Variants in ADCY9 observed in about 807,000 individuals in gnomAD.
The protein encoded by ADCY9 is adenylate cyclase type 9.
ADCY9 carries 50 observed loss-of-function variants against 101.5 expected under a neutral mutation model. That is an observed-to-expected ratio of 0.49 (90% CI 0.39 to 0.62). ADCY9 has a LOEUF of 0.62. Ranked by LOEUF, ADCY9 falls within the 20% of genes least tolerant of loss-of-function variation. ADCY9 has a pLI of 0.00. For missense variants in ADCY9, 1,662 were observed against 1,800.4 expected (o/e 0.92, Z 1.39); for synonymous variants, 905 against 769.3 (o/e 1.18, Z -2.92).
At chr16:4,001,507 C>T (rs1372198093) in intron 3 of ADCY9, among the ~76,000 whole-genome samples, 1 of 152,142 alleles carries the variant, frequency 6.6e-6, no homozygotes, top group African/African-American at 2.4e-5. Context: ...AAGGTGGCAT[C>T]TGCCCGGTTT....
chr16:3,993,650 T>C, intron 3 of ADCY9, 140 bp from the exon 4 acceptor site: 1 of 1,077,146 alleles, frequency 9.3e-7, no homozygotes, highest in Non-Finnish European at 1.3e-6. Flanking sequence ...CGCTCGGGGA[T>C]GAGCTGAAAG....
At chr16:4,064,520 T>G (rs988068891) in intron 2 of ADCY9, among the ~76,000 whole-genome samples, 5 of 152,240 alleles carry the variant, frequency 3.3e-5, no homozygotes, top group Non-Finnish European at 5.9e-5. Flanking sequence ...TCACTCGGGC[T>G]GGAGTACAAT....
At chr16:3,994,594 T>C (rs1192795554) in intron 3 of ADCY9, among the ~76,000 whole-genome samples, 1 of 152,204 alleles carries the variant, frequency 6.6e-6, no homozygotes, top group Non-Finnish European at 1.5e-5. Context: ...TAGCTGCGAT[T>C]ACAGGTGCCT....
At chr16:4,016,422 CG>C (rs1452525622) in intron 2 of ADCY9, among the ~76,000 whole-genome samples, 2 of 151,842 alleles carry the variant, frequency 1.3e-5, no homozygotes, top group African/African-American at 4.8e-5. Context: ...ATGCCACAGA[CG>C]GGAGGGAGGG....
intron 5 of ADCY9, among the ~76,000 whole-genome samples, chr16:3,955,521 G>A (rs376662551): frequency 1.3e-5 from 2 of 152,096 alleles, no homozygotes; most frequent in South Asian, 2.1e-4. Flanking sequence ...AGAAGTCTAC[G>A]GATGTCCTTC....
At chr16:3,983,468 G>A (rs762135038) in intron 6 of ADCY9, 28 bp from the exon 7 acceptor site, 1 of 1,573,944 alleles carries the variant, frequency 6.4e-7, no homozygotes, top group Non-Finnish European at 8.7e-7. Flanking sequence ...GGAGCAGAAT[G>A]ACTGGGAGGC....
chr16:3,987,301 T>C (rs1055901901), intron 6 of ADCY9, among the ~76,000 whole-genome samples: 16 of 152,196 alleles, frequency 1.1e-4, no homozygotes, highest in Admixed American at 3.9e-4. Flanking sequence ...GAACAGTCCC[T>C]GGCAGAGCAG....
At chr16:3,987,567 G>A (rs76336830) in intron 6 of ADCY9, among the ~76,000 whole-genome samples, 29,859 of 152,182 alleles carry the variant, frequency 0.2, 3,609 homozygotes, top group Non-Finnish European at 0.27. Flanking sequence ...TTTGCCTTAC[G>A]GGCCACCAAC....
intron 2 of ADCY9, among the ~76,000 whole-genome samples, chr16:4,050,926 CAT>C (rs1057510990): frequency 7.9e-5 from 12 of 152,118 alleles, no homozygotes; most frequent in African/African-American, 2.9e-4. Context: ...AAGAACTAAA[CAT>C]GTGGCCGGGA....
intron 10 of ADCY9, among the ~76,000 whole-genome samples, chr16:3,967,817 C>T (rs2056013233): frequency 6.6e-6 from 1 of 151,910 alleles, no homozygotes; most frequent in Non-Finnish European, 1.5e-5. Context: ...CCTGCCTCAG[C>T]CTCCTGAATA....
chr16:3,964,529 T>C lies in ADCY9; in HGVS notation c.*1246A>G, dbSNP rs925237490. The stretch of plus-strand genomic sequence containing the variant: ...CCTGCCACTGATAGGCCCTGTGCCA[T>C]CTGAGAGCGGGAGGCAGCCAAGAAA... On this transcript the variant is annotated 3_prime_UTR_variant, in exon 11 of 11. Transcript: ENST00000294016. The C allele has an allele frequency of 2.0e-5, 3 of 152,368 alleles. No individual in the cohort carries two copies. The highest frequency in any genetic ancestry group is 4.4e-5 in the Non-Finnish European group (3 of 68,162). The allele number at this position is 152,368 out of a possible 1,614,324, so 9.4% of individuals were successfully genotyped here.
intron 2 of ADCY9, among the ~76,000 whole-genome samples, chr16:4,026,425 C>A (rs1274850054): frequency 3.8e-3 from 375 of 97,654 alleles, no homozygotes; most frequent in African/African-American, 6.1e-3. Flanking sequence ...GACTCCGTCT[C>A]AAAAAAAAAA....
At chr16:4,053,601 A>C (rs2056715917) in intron 2 of ADCY9, among the ~76,000 whole-genome samples, 1 of 152,214 alleles carries the variant, frequency 6.6e-6, no homozygotes, top group African/African-American at 2.4e-5. Flanking sequence ...GACAGCCTGC[A>C]CTTTGATGTT....
At chr16:4,038,343 C>A (rs897821602) in intron 2 of ADCY9, among the ~76,000 whole-genome samples, 3 of 151,824 alleles carry the variant, frequency 2.0e-5, no homozygotes, top group Admixed American at 2.0e-4. Context: ...AGTGCTCCAC[C>A]TTCTCAAATG....
chr16:3,974,611 G>T, intron 10 of ADCY9, 58 bp downstream of exon 10: 2 of 1,408,234 alleles, frequency 1.4e-6, no homozygotes, highest in Non-Finnish European at 1.0e-6. Context: ...TTCGAAATGG[G>T]CAGGGTAATA....
downstream of ADCY9, among the ~76,000 whole-genome samples, chr16:3,961,484 C>G (rs1370410348): frequency 6.6e-6 from 1 of 151,200 alleles, no homozygotes; most frequent in Non-Finnish European, 1.5e-5. Flanking sequence ...TCCATTCTTA[C>G]AAGACCCTCA....
chr16:3,974,903 G>A lies in ADCY9; in HGVS notation c.2829-193C>T, dbSNP rs79779820. Among the ~76,000 whole-genome samples, 810 of 152,280 alleles carry A rather than the reference G, an allele frequency of 5.3e-3. 6 individuals are homozygous for A. Among genetic ancestry groups the A allele is most frequent in the African/African-American group, 0.019 (778 of 41,570 alleles). On this transcript the variant is annotated intron_variant, in intron 9 of 10. Transcript: ENST00000294016. Reference sequence around the variant, plus strand: ...TGGGGGCAGTTCCCTTGGTAAAGCTGAGTTTACGTCTTTGTTTACCATCCC... The same window carrying A: ...TGGGGGCAGTTCCCTTGGTAAAGCTAAGTTTACGTCTTTGTTTACCATCCC...
Position 4,115,014 on chromosome 16 carries a change from G to A in ADCY9, c.429C>T (p.Ile143=), listed in dbSNP as rs764235529. 1 of 1,614,118 alleles carries A rather than the reference G, an allele frequency of 6.2e-7. No individual in the cohort carries two copies. The highest frequency in any genetic ancestry group is 1.1e-5 in the South Asian group (1 of 91,092). ...AGCACAGCGCGGGGGCGACCATGAC[G>A]ATCAGTCTGGATCTCATGTGGACCG... ...YFAVHMRSRL[I]VMVAPALCFL... Residue 143 remains isoleucine (I), a synonymous_variant, in exon 2 of 11, where the codon ATC becomes ATT. Transcript: ENST00000294016. The surrounding 1 kb of genome is among the most constrained non-coding windows in gnomAD (Gnocchi z 6.2).
At chr16:4,103,633 C>A (rs1331112810) in intron 2 of ADCY9, among the ~76,000 whole-genome samples, 1 of 152,186 alleles carries the variant, frequency 6.6e-6, no homozygotes, top group African/African-American at 2.4e-5. Flanking sequence ...AGTTCAAGAC[C>A]AGCCTGGCCA....
Sources: allele counts gnomAD v4.1 joint callset (sites outside exome capture counted in the v4.1 genomes callset), GRCh38; gene constraint gnomAD v4.1.1; non-coding constraint Gnocchi (gnomAD v3.1); transcripts MANE v1.5; gene names NCBI Gene and HGNC (gene_info 2026-07-23, HGNC 2026-07-21).